The following AXIN1 variants were observed in gnomAD, a reference collection of about 807,000 sequenced individuals.
AXIN1 encodes axin 1.
AXIN1 carries 30 observed loss-of-function variants against 76.4 expected under a neutral mutation model. That is an observed-to-expected ratio of 0.39 (90% confidence interval 0.29 to 0.53). The LOEUF (loss-of-function observed/expected upper bound fraction) is 0.53, where lower values mean the gene tolerates loss of function less well. Ranked by LOEUF, AXIN1 falls within the 20% of genes least tolerant of loss-of-function variation. The pLI, the probability that AXIN1 is intolerant of heterozygous loss-of-function variation, is 0.66. For missense variants in AXIN1, 1,140 were observed against 1,198.8 expected (o/e 0.95, Z 0.72); for synonymous variants, 545 against 501.4 (o/e 1.09, Z -1.16).
Position 342,664 on chromosome 16 carries a change from G to A in AXIN1, c.878+3484C>T, listed in dbSNP as rs117311238. Reference sequence around the variant, plus strand: ...GCACCGTGACTGTGCTGAGACAGACGGGACACAGCGGCACACGTGCCCTCC... The same window carrying A: ...GCACCGTGACTGTGCTGAGACAGACAGGACACAGCGGCACACGTGCCCTCC... On this transcript the variant is annotated intron_variant, in intron 2 of 10. Transcript: ENST00000262320. 3.1e-3 allele frequency among the ~76,000 whole-genome samples: 479 copies of A among 152,316 alleles called. 7 individuals carry two copies. The highest frequency in any genetic ancestry group is 4.5e-3 in the Non-Finnish European group (306 of 68,030).
chr16:309,866 G>C (rs2053127712), intron 4 of AXIN1, 107 bp downstream of exon 4: 10 of 1,091,062 alleles, frequency 9.2e-6, no homozygotes, highest in African/African-American at 1.6e-5. Flanking sequence ...CTAGAGGTAA[G>C]CCTGGCTCGT....
At chr16:307,400 CAAGTA>C (rs904824005) in intron 4 of AXIN1, among the ~76,000 whole-genome samples, 4 of 152,164 alleles carry the variant, frequency 2.6e-5, no homozygotes, top group African/African-American at 9.7e-5. Context: ...AGGAAAAAGC[CAAGTA>C]AATGAAAACG....
chr16:295,981 G>C (rs1157275459), intron 7 of AXIN1, among the ~76,000 whole-genome samples: 1 of 152,114 alleles, frequency 6.6e-6, no homozygotes, highest in Non-Finnish European at 1.5e-5. Context: ...AAAAAGACTC[G>C]AAGGCCAGGA....
chr16:347,186 T>C, intron 1 of AXIN1, 80 bp from the exon 2 acceptor site: 1 of 1,243,954 alleles, frequency 8.0e-7, no homozygotes. Context: ...AAGACAAGAC[T>C]CACGATGACG....
At chr16:326,253 C>T (rs186068886) in intron 2 of AXIN1, among the ~76,000 whole-genome samples, 2 of 149,260 alleles carry the variant, frequency 1.3e-5, no homozygotes, top group East Asian at 4.0e-4. Context: ...ACTCGGGAGG[C>T]TGAGTCAGGA....
intron 4 of AXIN1, among the ~76,000 whole-genome samples, chr16:305,774 G>T (rs890193654): frequency 8.5e-5 from 13 of 152,100 alleles, no homozygotes; most frequent in African/African-American, 2.4e-4. Context: ...TCAATCTCCT[G>T]ACCTCGTGAT....
intron 10 of AXIN1, 180 bp from the exon 11 acceptor site, chr16:288,428 G>A (rs1441522660): frequency 2.3e-6 from 2 of 885,244 alleles, no homozygotes. Flanking sequence ...GACCACATGT[G>A]GGTGAAGTGG....
At chr16:340,969 C>T (rs1032837614) in intron 2 of AXIN1, among the ~76,000 whole-genome samples, 7 of 152,256 alleles carry the variant, frequency 4.6e-5, no homozygotes, top group South Asian at 4.1e-4. Flanking sequence ...GCAGCCCCAC[C>T]GCAGGGGATG....
chr16:349,713 G>A (rs958652746), intron 1 of AXIN1, among the ~76,000 whole-genome samples: 4 of 152,352 alleles, frequency 2.6e-5, no homozygotes, highest in East Asian at 3.9e-4. Flanking sequence ...TGTCACAGAC[G>A]CCAAACACTG....
chr16:340,065 T>C (rs2053886374), intron 2 of AXIN1, among the ~76,000 whole-genome samples: 1 of 151,966 alleles, frequency 6.6e-6, no homozygotes, highest in Admixed American at 6.6e-5. Flanking sequence ...TTTTTAACCA[T>C]TTCTTCTCTT....
intron 3 of AXIN1, among the ~76,000 whole-genome samples, chr16:310,999 G>A (rs1050490150): frequency 1.3e-5 from 2 of 152,250 alleles, no homozygotes; most frequent in Non-Finnish European, 2.9e-5. Context: ...GTCTCTGAGG[G>A]AGGCACAAGG....
At chr16:320,870 G>T (rs1057476175) in intron 2 of AXIN1, among the ~76,000 whole-genome samples, 16 of 140,288 alleles carry the variant, frequency 1.1e-4, no homozygotes, top group African/African-American at 4.4e-4. Flanking sequence ...CTCCCGAGTA[G>T]CTGGGACTCC....
intron 8 of AXIN1, chr16:292,710 G>A (rs1464908952): frequency 6.6e-6 from 1 of 152,276 alleles, no homozygotes; most frequent in African/African-American, 2.4e-5. Context: ...GACCCAGGAT[G>A]GCCGAGAAAA....
chr16:321,393 C>A (rs548224349), intron 2 of AXIN1, among the ~76,000 whole-genome samples: 12 of 152,356 alleles, frequency 7.9e-5, no homozygotes, highest in African/African-American at 2.6e-4. Context: ...ACGTGCCCCA[C>A]CCCGCCAAGA....
chr16:301,302 A>AC (rs1022571500), intron 5 of AXIN1, among the ~76,000 whole-genome samples: 5 of 151,848 alleles, frequency 3.3e-5, no homozygotes, highest in Non-Finnish European at 5.9e-5. Context: ...CAAAAAAAAA[A>AC]AAAAAACTGG....
chr16:289,078 TC>T lies in AXIN1; in HGVS notation c.2462+361del, dbSNP rs374751647. Among the ~76,000 whole-genome samples the T allele has an allele frequency of 5.1e-4, 72 of 139,810 alleles. 1 individual carries two copies. The highest frequency in any genetic ancestry group is 3.6e-3 in the Middle Eastern group (1 of 280). 91.7% of individuals were successfully genotyped at this position (139,810 alleles called of 152,430 possible). On this transcript the variant is annotated intron_variant, in intron 10 of 10. Transcript: ENST00000262320. ...AGCTGAAATGGCCGGAAGCCCTTTT[TC>T]TTCTTTTTTTTTTTTTGGGCGGGGG...
chr16:305,712 T>G (rs979643601), intron 4 of AXIN1, among the ~76,000 whole-genome samples: 2 of 151,804 alleles, frequency 1.3e-5, no homozygotes, highest in East Asian at 4.0e-4. Context: ...CCCGGCTAAT[T>G]TTTTTGTATT....
chr16:296,556 C>G (rs13338094), intron 7 of AXIN1, among the ~76,000 whole-genome samples: 4,707 of 152,308 alleles, frequency 0.031, 269 homozygotes, highest in African/African-American at 0.11. Flanking sequence ...ACCTGTGGCG[C>G]CGGGGCCTTG....
At chr16:310,436 G>A (rs1286522801) in intron 3 of AXIN1, among the ~76,000 whole-genome samples, 4 of 151,778 alleles carry the variant, frequency 2.6e-5, no homozygotes, top group African/African-American at 7.3e-5. Context: ...TCGCTCTGTC[G>A]CCCAGGCTGG....
Sources: allele counts gnomAD v4.1 joint callset (sites outside exome capture counted in the v4.1 genomes callset), GRCh38; gene constraint gnomAD v4.1.1; transcripts MANE v1.5; gene names NCBI Gene and HGNC (gene_info 2026-07-23, HGNC 2026-07-21).